CACNA2D1: variants seen among roughly 807,000 people sequenced by gnomAD.
CACNA2D1 encodes the protein voltage-dependent calcium channel subunit alpha-2/delta-1.
Under a neutral mutation model 171.5 loss-of-function variants are expected in CACNA2D1, and 53 were observed. That is an observed-to-expected ratio of 0.31 (90% confidence interval 0.25 to 0.39). The LOEUF (loss-of-function observed/expected upper bound fraction) is 0.39, where lower values mean the gene tolerates loss of function less well. CACNA2D1 is among the 10% of genes least tolerant of loss of function. The pLI is 1.00. For synonymous variants in CACNA2D1, 442 were observed against 443.1 expected, an observed-to-expected ratio of 1.00 and a Z score of 0.03; for missense variants, 903 against 1,299.8, an observed-to-expected ratio of 0.69 and a Z score of 4.69.
At chr7:82,037,938 T>C in intron 11 of CACNA2D1, 139 bp downstream of exon 11, 1 of 740,692 alleles carries the variant, frequency 1.4e-6, no homozygotes, top group Non-Finnish European at 2.2e-6. Flanking sequence ...AAAGGTTTCT[T>C]CTGCCTGCAC....
intron 3 of CACNA2D1, among the ~76,000 whole-genome samples, chr7:82,188,902 T>C (rs1488558461): frequency 1.3e-5 from 2 of 151,980 alleles, no homozygotes; most frequent in Non-Finnish European, 2.9e-5. Context: ...TTATCCTAAG[T>C]GAATTAACAC....
chr7:82,089,283 C>A (rs1810850242), intron 6 of CACNA2D1, among the ~76,000 whole-genome samples: 1 of 152,108 alleles, frequency 6.6e-6, no homozygotes, highest in African/African-American at 2.4e-5. Context: ...ACAATCTAGC[C>A]TTGAACCTAC....
chr7:82,347,619 A>C (rs921626835), intron 2 of CACNA2D1, among the ~76,000 whole-genome samples: 2 of 152,094 alleles, frequency 1.3e-5, no homozygotes, highest in African/African-American at 4.8e-5. Context: ...GGCAATACGG[A>C]ATCATCTGTC....
chr7:82,257,464 T>G (rs890071915), intron 3 of CACNA2D1, among the ~76,000 whole-genome samples: 9 of 152,246 alleles, frequency 5.9e-5, no homozygotes, highest in Non-Finnish European at 1.2e-4. Flanking sequence ...TTCAATCCAC[T>G]GAATCAAATT....
At chr7:82,390,717 C>A (rs1825026700) in intron 1 of CACNA2D1, among the ~76,000 whole-genome samples, 1 of 152,012 alleles carries the variant, frequency 6.6e-6, no homozygotes, top group Non-Finnish European at 1.5e-5. Flanking sequence ...GCAGTGTTTA[C>A]CATTGGTTAT....
chr7:82,425,973 T>A (rs1460384442), intron 1 of CACNA2D1, among the ~76,000 whole-genome samples: 1 of 150,690 alleles, frequency 6.6e-6, no homozygotes, highest in Non-Finnish European at 1.5e-5. Flanking sequence ...TTACTAAAAA[T>A]ACAAAAATTA....
At chr7:82,144,887 G>A (rs895194282) in intron 4 of CACNA2D1, among the ~76,000 whole-genome samples, 1 of 151,356 alleles carries the variant, frequency 6.6e-6, no homozygotes, top group Admixed American at 6.6e-5. Context: ...GATTTTGCTA[G>A]CGTGGTTCAA....
intron 4 of CACNA2D1, among the ~76,000 whole-genome samples, chr7:82,147,195 C>T (rs1167349646): frequency 6.6e-6 from 1 of 151,894 alleles, no homozygotes; most frequent in Non-Finnish European, 1.5e-5. Flanking sequence ...AGACTGATTT[C>T]AGAGTTCATT....
chr7:82,233,754 A>G (rs568539477), intron 3 of CACNA2D1, among the ~76,000 whole-genome samples: 17 of 152,240 alleles, frequency 1.1e-4, no homozygotes, highest in African/African-American at 3.8e-4. Context: ...GAGAGTAGTT[A>G]TATTTGCATA....
chr7:82,391,313 GTCAAAGGAAA>G (rs1825094554), intron 1 of CACNA2D1, among the ~76,000 whole-genome samples: 2 of 152,140 alleles, frequency 1.3e-5, no homozygotes, highest in Non-Finnish European at 2.9e-5. Context: ...TGCTTTATGT[GTCAAAGGAAA>G]TTCCTCATAA....
chr7:82,443,879 G>T, upstream of CACNA2D1: 1 of 391,776 alleles, frequency 2.6e-6, no homozygotes, highest in South Asian at 1.4e-4. Context: ...GAGGGTGGGG[G>T]TGGCTGCAGG....
intron 3 of CACNA2D1, among the ~76,000 whole-genome samples, chr7:82,313,794 T>C (rs932552987): frequency 1.3e-5 from 2 of 152,222 alleles, no homozygotes; most frequent in Non-Finnish European, 1.5e-5. Flanking sequence ...GTTCTTTCAA[T>C]ATACACCAAA....
rs1341741293 is a variant in CACNA2D1 at position 82,256,293 on chromosome 7, C to CA, written c.294+78841dup. On this transcript the variant is annotated intron_variant, in intron 3 of 38. Coordinates refer to ENST00000356860, the MANE Select transcript of CACNA2D1 (RefSeq NM_000722.4). ...TGGGTGACAGAGTAAGACTCCATCT[C>CA]AAAAAAATCAAATAAAATTAAATAA... Among the ~76,000 whole-genome samples the CA allele has an allele frequency of 2.4e-4, 36 of 151,950 alleles. No individual in the cohort carries two copies. In the East Asian group the frequency reaches 2.7e-3, roughly 11 times the overall value.
intron 10 of CACNA2D1, among the ~76,000 whole-genome samples, chr7:82,043,192 G>C (rs1035460055): frequency 7.2e-5 from 11 of 152,170 alleles, no homozygotes; most frequent in African/African-American, 2.7e-4. Flanking sequence ...TAGATGAATT[G>C]CATCTTAGCT....
intron 4 of CACNA2D1, among the ~76,000 whole-genome samples, chr7:82,159,343 T>A (rs1271858661): frequency 6.6e-6 from 1 of 151,876 alleles, no homozygotes; most frequent in African/African-American, 2.4e-5. Context: ...CTGACTGGAA[T>A]GTTTGAAAGG....
Position 82,014,356 on chromosome 7 carries a change from A to G in CACNA2D1, c.1222+45T>C, listed in dbSNP as rs117634904. The stretch of plus-strand genomic sequence containing the variant: ...TAAGTACACCTAATAACAACTACCA[A>G]AATAGTTTTTCTTCTAATTTATTAG... On this transcript the variant is annotated intron_variant, in intron 13 of 38. Transcript: ENST00000356860. 1,844 of 1,048,882 alleles carry G rather than the reference A, an allele frequency of 1.8e-3. 12 individuals carry two copies. In the East Asian group the frequency reaches 0.019, roughly 11 times the overall value. 65.0% of individuals were successfully genotyped at this position (1,048,882 alleles called of 1,614,324 possible). A position where few individuals can be genotyped will look rare whatever the true frequency, so the allele number is the denominator to read the frequency against.
At chr7:82,397,454 G>A (rs1454557950) in intron 1 of CACNA2D1, among the ~76,000 whole-genome samples, 3 of 151,204 alleles carry the variant, frequency 2.0e-5, no homozygotes, top group African/African-American at 7.3e-5. Flanking sequence ...ATATATTTGT[G>A]TTTATGAAAG....
At chr7:82,226,807 T>A (rs1802413749) in intron 3 of CACNA2D1, among the ~76,000 whole-genome samples, 1 of 152,220 alleles carries the variant, frequency 6.6e-6, no homozygotes, top group African/African-American at 2.4e-5. Context: ...TATATTTCTG[T>A]ACTTTATTAT....
intron 1 of CACNA2D1, among the ~76,000 whole-genome samples, chr7:82,420,442 T>A (rs1171314024): frequency 6.6e-6 from 1 of 152,146 alleles, no homozygotes; most frequent in African/African-American, 2.4e-5. Context: ...TCTTTTAATT[T>A]CCAGTTTTCA....
Sources: gnomAD v4.1 joint callset for allele counts (sites outside exome capture counted in the v4.1 genomes callset) on GRCh38, gnomAD v4.1.1 for gene constraint, MANE v1.5 for transcripts, NCBI Gene and HGNC (gene_info 2026-07-23, HGNC 2026-07-21) for gene names.